Variants in GRAMD4 observed in about 807,000 individuals in gnomAD.
GRAMD4 encodes the protein GRAM domain-containing protein 4.
A neutral mutation model predicts 83.9 loss-of-function variants in GRAMD4; 25 were observed. The observed-to-expected ratio is 0.30, with a 90% CI of 0.22 to 0.42. The LOEUF (loss-of-function observed/expected upper bound fraction) is 0.42. Ranked by LOEUF, GRAMD4 falls within the 10% of genes least tolerant of loss-of-function variation. The pLI is 1.00. For missense variants in GRAMD4, 593 were observed against 788.7 expected (o/e 0.75, Z 2.97); for synonymous variants, 336 against 320.9 (o/e 1.05, Z -0.50).
In GRAMD4 at chr22:46,668,920, C is replaced by T. The variant is rs2082455756; in HGVS notation, c.1084+12C>T. 4 of 1,460,800 alleles carry T rather than the reference C, an allele frequency of 2.7e-6. No individual in the cohort carries two copies. Among genetic ancestry groups the T allele is most frequent in the East Asian group, 4.5e-5 (2 of 44,222 alleles). 90.5% of individuals were successfully genotyped at this position (1,460,800 alleles called of 1,614,324 possible). A position where few individuals can be genotyped will look rare whatever the true frequency, so the allele number is the denominator to read the frequency against. ...GGGGCTTGCCGTGGGTAAGTAGATG[C>T]ACCTGCGGCCTGTAGCTTCAGGAGG... On this transcript the variant is annotated intron_variant, in intron 13 of 18. Transcript: ENST00000406902.
chr22:46,589,312 A>G (rs2081183449), intron 1 of GRAMD4, among the ~76,000 whole-genome samples: 1 of 82,746 alleles, frequency 1.2e-5, no homozygotes, highest in African/African-American at 4.8e-5. Context: ...GGCAGCTCTG[A>G]TATGTGGGGG....
intron 16 of GRAMD4, 54 bp from the exon 17 acceptor site, chr22:46,675,414 G>T: frequency 8.1e-7 from 1 of 1,240,258 alleles, no homozygotes; most frequent in South Asian, 1.2e-5. Flanking sequence ...CCACCTGGTG[G>T]GAGCGTGCTC....
At chr22:46,675,354 A>G in intron 16 of GRAMD4, 114 bp from the exon 17 acceptor site, 1 of 748,580 alleles carries the variant, frequency 1.3e-6, no homozygotes, top group Non-Finnish European at 2.5e-6. Context: ...CTGGGAAGGG[A>G]GCACCACTGT....
chr22:46,597,346 C>G (rs935850178), intron 1 of GRAMD4, among the ~76,000 whole-genome samples: 3 of 152,142 alleles, frequency 2.0e-5, no homozygotes, highest in Admixed American at 6.5e-5. Context: ...CCCCCAAAGG[C>G]GTATGGGGAT....
At chr22:46,583,958 G>T (rs1392079760) in intron 1 of GRAMD4, among the ~76,000 whole-genome samples, 3 of 152,314 alleles carry the variant, frequency 2.0e-5, no homozygotes, top group Middle Eastern at 3.4e-3. Context: ...CTTCAGGGGG[G>T]TCTGTCTCTT....
At chr22:46,673,132 G>A (rs894711308) in intron 14 of GRAMD4, 135 bp downstream of exon 14, 8 of 755,814 alleles carry the variant, frequency 1.1e-5, no homozygotes, top group African/African-American at 1.8e-5. Flanking sequence ...CCTTAAACTT[G>A]AGGGTTTTTT....
chr22:46,599,406 C>A (rs757783490), intron 1 of GRAMD4, among the ~76,000 whole-genome samples: 1 of 151,900 alleles, frequency 6.6e-6, no homozygotes, highest in Non-Finnish European at 1.5e-5. Context: ...GCAACCTCTA[C>A]CTCCCGGGTT....
At chr22:46,586,286 G>A (rs574466252) in intron 1 of GRAMD4, among the ~76,000 whole-genome samples, 2 of 142,222 alleles carry the variant, frequency 1.4e-5, no homozygotes, top group African/African-American at 2.6e-5. Flanking sequence ...ACCGCCCCAC[G>A]TGCCCCACCC....
intron 3 of GRAMD4, among the ~76,000 whole-genome samples, chr22:46,657,029 C>G (rs2082254097): frequency 6.6e-6 from 1 of 152,240 alleles, no homozygotes; most frequent in Non-Finnish European, 1.5e-5. Context: ...GTTCTGCAAG[C>G]CACTGCTGCC....
At position 46,622,571 on chromosome 22, in the gene GRAMD4, C is replaced by T. The variant is rs1024167051; in HGVS notation, c.-50+2006C>T. On this transcript the variant is annotated intron_variant, in intron 1 of 18. Coordinates refer to ENST00000406902, the MANE Select transcript of GRAMD4 (RefSeq NM_015124.5). The surrounding 1 kb of genome is among the most constrained non-coding windows in gnomAD (Gnocchi z 4.0). ...TAGACAAGACGAGTCCGGAGGCAGC[C>T]GCTCAGCATCACAGATGTAATTTAT... is the stretch of plus-strand genomic sequence containing the variant. 7.2e-5 allele frequency among the ~76,000 whole-genome samples: 11 copies of T among 152,130 alleles called. No individual in the cohort carries two copies. Among genetic ancestry groups the T allele is most frequent in the African/African-American group, 2.2e-4 (9 of 41,420 alleles).
chr22:46,635,089 C>T (rs1335658806), intron 2 of GRAMD4, among the ~76,000 whole-genome samples: 1 of 119,340 alleles, frequency 8.4e-6, no homozygotes, highest in African/African-American at 2.8e-5. Context: ...CTTGGGGAGC[C>T]GTGTCCTCCC....
chr22:46,623,422 C>A (rs1270666938), intron 1 of GRAMD4, among the ~76,000 whole-genome samples: 1 of 152,114 alleles, frequency 6.6e-6, no homozygotes, highest in African/African-American at 2.4e-5. Context: ...GAGTCTCACG[C>A]TGCCCCCCAG....
At chr22:46,596,638 T>A (rs2081264788) in intron 1 of GRAMD4, among the ~76,000 whole-genome samples, 2 of 152,128 alleles carry the variant, frequency 1.3e-5, no homozygotes, top group African/African-American at 4.8e-5. Context: ...GCAACCTCCA[T>A]CCCCATAGTT....
chr22:46,617,974 G>A (rs565187461), upstream of GRAMD4, among the ~76,000 whole-genome samples: 1 of 152,318 alleles, frequency 6.6e-6, no homozygotes, highest in South Asian at 2.1e-4. Flanking sequence ...GCTTTGGCAG[G>A]GCCCAAGGCA....
chr22:46,666,986 C>T lies in GRAMD4; in HGVS notation c.858+113C>T, dbSNP rs2082419668. 16 of 723,532 alleles carry T rather than the reference C, an allele frequency of 2.2e-5. No individual in the cohort carries two copies. The East Asian group carries it at 4.6e-4, about 21-fold the overall frequency. The allele number at this position is 723,532 out of a possible 1,614,324, so 44.8% of individuals were successfully genotyped here. A position where few individuals can be genotyped will look rare whatever the true frequency, so the allele number is the denominator to read the frequency against. On this transcript the variant is annotated intron_variant, in intron 10 of 18. Coordinates refer to ENST00000406902, the MANE Select transcript of GRAMD4 (RefSeq NM_015124.5). ...TGGATGAGGCCATGTGGTCATCCCCCTGGAGTCCTGGCCTGGCCTGAAGAG... is the reference window on the plus strand; with the variant it reads ...TGGATGAGGCCATGTGGTCATCCCCTTGGAGTCCTGGCCTGGCCTGAAGAG...
At chr22:46,599,853 C>T (rs904598782) in intron 1 of GRAMD4, among the ~76,000 whole-genome samples, 8 of 151,894 alleles carry the variant, frequency 5.3e-5, no homozygotes, top group African/African-American at 1.9e-4. Flanking sequence ...GGTGTGACTG[C>T]TTTTGCAGAA....
rs2147351108 is a variant in GRAMD4 at position 46,663,179 on chromosome 22, G to T, written c.599+7G>T. On this transcript the variant is annotated splice_region_variant and intron_variant, in intron 6 of 18. Transcript: ENST00000406902. ...AACCCCTGAGCGCCCGCAGGTAGGG[G>T]TTCGCCGAGCTGGGGCTGCCTGTGC... 6.2e-7 allele frequency: 1 copy of T among 1,609,428 alleles called. No homozygotes were observed. The highest frequency in any genetic ancestry group is 8.5e-7 in the Non-Finnish European group (1 of 1,177,750).
downstream of GRAMD4, chr22:46,679,906 G>C: frequency 2.4e-6 from 1 of 417,648 alleles, no homozygotes; most frequent in Non-Finnish European, 3.2e-6. Context: ...GGGGCCCCAC[G>C]GCTGCCGGCG....
At chr22:46,638,998 G>A (rs1022234374) in intron 3 of GRAMD4, among the ~76,000 whole-genome samples, 1 of 152,226 alleles carries the variant, frequency 6.6e-6, no homozygotes, top group Non-Finnish European at 1.5e-5. Flanking sequence ...AGGGTCCAAG[G>A]CCTGTCCACA....
Sources: allele counts gnomAD v4.1 joint callset (sites outside exome capture counted in the v4.1 genomes callset), GRCh38; gene constraint gnomAD v4.1.1; non-coding constraint Gnocchi (gnomAD v3.1); transcripts MANE v1.5; gene names NCBI Gene and HGNC (gene_info 2026-07-23, HGNC 2026-07-21).